LRRC28: variants seen among roughly 807,000 people sequenced by gnomAD.
The protein encoded by LRRC28 is leucine rich repeat containing 28.
Under a neutral mutation model 45.7 loss-of-function variants are expected in LRRC28, and 39 were observed. That is an observed-to-expected ratio of 0.85 (90% CI 0.66 to 1.12). The LOEUF (loss-of-function observed/expected upper bound fraction) is 1.12. Ranked by LOEUF, LRRC28 falls within the 50% of genes most tolerant of loss-of-function variation. The pLI is 0.00. For synonymous variants in LRRC28, 206 were observed against 178.8 expected (o/e 1.15, Z -1.22); for missense variants, 435 against 438.5 (o/e 0.99, Z 0.07).
chr15:99,255,905 C>T lies in LRRC28; in HGVS notation c.-53C>T, dbSNP rs571365526. On this transcript the variant is annotated 5_prime_UTR_variant, in exon 2 of 10. Transcript: ENST00000301981. ...TTCTCGTTCTCTTTATAGAAATGGA[C>T]CAATTTTGACAAGATATAGTGCTGC... The T allele has an allele frequency of 3.3e-6, 5 of 1,519,996 alleles. No homozygotes were observed. The highest frequency in any genetic ancestry group is 4.5e-5 in the Admixed American group (2 of 44,248). The allele number at this position is 1,519,996 out of a possible 1,614,324, so 94.2% of individuals were successfully genotyped here.
rs1277587447 is a variant in LRRC28, at chr15:99,390,418, C to G, written c.*4316C>G. On this transcript the variant is annotated 3_prime_UTR_variant, in exon 10 of 10. Transcript: ENST00000301981. ...AATTAAGAGACTTTCAAGGGTTAGC[C>G]AGACTTTTTTCCACTCAAGTGTGGA... is the stretch of plus-strand genomic sequence containing the variant. The G allele has an allele frequency of 7.7e-6, 1 of 130,030 alleles. No homozygotes were observed. Among genetic ancestry groups the G allele is most frequent in the East Asian group, 2.1e-4 (1 of 4,728 alleles). 8.1% of individuals were successfully genotyped at this position (130,030 alleles called of 1,614,324 possible).
chr15:99,302,520 C>G (rs1955020650), intron 5 of LRRC28, among the ~76,000 whole-genome samples: 3 of 152,178 alleles, frequency 2.0e-5, no homozygotes, highest in African/African-American at 7.2e-5. Context: ...TCCCAAGTAG[C>G]TGGGATTACA....
chr15:99,345,285 T>C (rs1956643183), intron 6 of LRRC28, among the ~76,000 whole-genome samples: 1 of 152,058 alleles, frequency 6.6e-6, no homozygotes, highest in East Asian at 1.9e-4. Flanking sequence ...ATTTTCTGCT[T>C]TCTGTGAGCC....
intron 5 of LRRC28, among the ~76,000 whole-genome samples, chr15:99,322,301 A>G (rs1022952819): frequency 6.6e-6 from 1 of 152,130 alleles, no homozygotes; most frequent in Non-Finnish European, 1.5e-5. Flanking sequence ...TTTTAATATC[A>G]CTGGCTTCTG....
At chr15:99,378,554 TG>T (rs1426212355) in intron 9 of LRRC28, among the ~76,000 whole-genome samples, 2 of 152,222 alleles carry the variant, frequency 1.3e-5, no homozygotes, top group African/African-American at 4.8e-5. Context: ...CTGATTGCCC[TG>T]GCCAGAACTT....
chr15:99,336,979 C>T (rs1211314650), intron 6 of LRRC28, among the ~76,000 whole-genome samples: 1 of 152,256 alleles, frequency 6.6e-6, no homozygotes, highest in Non-Finnish European at 1.5e-5. Context: ...GTCTGATACT[C>T]ACATGTGCTC....
At chr15:99,360,414 G>A (rs901734852) in intron 7 of LRRC28, among the ~76,000 whole-genome samples, 2 of 152,090 alleles carry the variant, frequency 1.3e-5, no homozygotes, top group African/African-American at 4.8e-5. Context: ...CAAAGGAAGG[G>A]TTCATTCTTG....
intron 6 of LRRC28, among the ~76,000 whole-genome samples, chr15:99,340,862 G>T (rs1956482951): frequency 6.6e-6 from 1 of 152,032 alleles, no homozygotes; most frequent in African/African-American, 2.4e-5. Context: ...TTGAAAACAA[G>T]GTTCAAAATC....
At chr15:99,293,511 T>A (rs1365308617) in intron 5 of LRRC28, among the ~76,000 whole-genome samples, 3 of 138,906 alleles carry the variant, frequency 2.2e-5, no homozygotes, top group Non-Finnish European at 4.5e-5. Flanking sequence ...GAGAATCGCT[T>A]GAACACAGGA....
At chr15:99,327,121 C>T (rs1398060509) in intron 5 of LRRC28, among the ~76,000 whole-genome samples, 1 of 152,132 alleles carries the variant, frequency 6.6e-6, no homozygotes, top group African/African-American at 2.4e-5. Context: ...GTCGCCTAGG[C>T]TGGAGTGCAG....
intron 3 of LRRC28, chr15:99,285,469 C>T: frequency 1.2e-6 from 1 of 866,838 alleles, no homozygotes; most frequent in African/African-American, 1.7e-5. Flanking sequence ...GAGCGTTCCC[C>T]ATTGCTCAGA....
chr15:99,266,054 C>A (rs574599732), intron 2 of LRRC28, among the ~76,000 whole-genome samples: 2 of 152,168 alleles, frequency 1.3e-5, no homozygotes, highest in African/African-American at 4.8e-5. Flanking sequence ...TATAGCTAAG[C>A]AACAGGAGCA....
At chr15:99,384,226 A>G (rs1202939673) in intron 9 of LRRC28, 1 of 152,130 alleles carries the variant, frequency 6.6e-6, no homozygotes, top group Non-Finnish European at 1.5e-5. Context: ...CCATTGAAAC[A>G]TTTTTACCCA....
At chr15:99,349,601 T>C (rs1313483827) in intron 6 of LRRC28, among the ~76,000 whole-genome samples, 1 of 152,158 alleles carries the variant, frequency 6.6e-6, no homozygotes, top group Admixed American at 6.5e-5. Context: ...CTTTTCAGAA[T>C]TTTGCATGAC....
intron 6 of LRRC28, among the ~76,000 whole-genome samples, chr15:99,350,298 AC>A (rs1956838489): frequency 6.6e-6 from 1 of 151,898 alleles, no homozygotes; most frequent in South Asian, 2.1e-4. Context: ...AATTGTTGTA[AC>A]CCTTTTGAGG....
At chr15:99,260,191 T>A (rs1046768231) in intron 2 of LRRC28, among the ~76,000 whole-genome samples, 13 of 152,186 alleles carry the variant, frequency 8.5e-5, no homozygotes, top group East Asian at 3.8e-4. Context: ...TGATTTTTTT[T>A]AAACATACCT....
Position 99,361,342 on chromosome 15 carries a change from T to C in LRRC28, c.702T>C (p.Gly234=). The C allele has an allele frequency of 6.2e-7, 1 of 1,612,246 alleles. No individual in the cohort carries two copies. Among genetic ancestry groups the C allele is most frequent in the Non-Finnish European group, 8.5e-7 (1 of 1,179,352 alleles). The part of the protein sequence containing the change: ...YNKVIGCSGC[G]APIQVSEVKL... ...AATGTGTGTCTTTCTGCAGCTGTGG[T>C]GCTCCCATTCAAGTTTCCGAGGTGA... The change falls in exon 8 of 10, where the codon GGT becomes GGC. Residue 234 remains glycine (G), a synonymous_variant. Coordinates refer to ENST00000301981, the MANE Select transcript of LRRC28 (RefSeq NM_144598.5).
chr15:99,273,456 C>T (rs2081536253), intron 2 of LRRC28, among the ~76,000 whole-genome samples: 1 of 152,124 alleles, frequency 6.6e-6, no homozygotes, highest in South Asian at 2.1e-4. Flanking sequence ...ACAGGATGGT[C>T]TTGATCTGCT....
At chr15:99,385,343 G>T (rs1286649923) in intron 9 of LRRC28, among the ~76,000 whole-genome samples, 2 of 152,186 alleles carry the variant, frequency 1.3e-5, no homozygotes, top group Non-Finnish European at 2.9e-5. Flanking sequence ...ATCAGCACAG[G>T]GGGTCTTGTG....
Sources: allele counts gnomAD v4.1 joint callset (sites outside exome capture counted in the v4.1 genomes callset), GRCh38; gene constraint gnomAD v4.1.1; transcripts MANE v1.5; gene names NCBI Gene and HGNC (gene_info 2026-07-23, HGNC 2026-07-21).